The following KIF26B variants were observed in gnomAD, a reference collection of about 807,000 sequenced individuals.
KIF26B encodes kinesin-like protein KIF26B.
KIF26B carries 63 observed loss-of-function variants against 151.2 expected under a neutral mutation model. The observed-to-expected ratio is 0.42, with a 90% CI of 0.34 to 0.51. The LOEUF (loss-of-function observed/expected upper bound fraction) is 0.51, where lower values mean the gene tolerates loss of function less well. Ranked by LOEUF, KIF26B falls within the 20% of genes least tolerant of loss-of-function variation. The probability of loss-of-function intolerance (pLI) is 0.07; values close to 1 mark genes in which losing one functional copy is unlikely to be tolerated. For missense variants in KIF26B, 2,813 were observed against 2,913.6 expected, an observed-to-expected ratio of 0.97 and a Z score of 0.79; for synonymous variants, 1,357 against 1,262.1, an observed-to-expected ratio of 1.08 and a Z score of -1.59.
intron 4 of KIF26B, among the ~76,000 whole-genome samples, chr1:245,539,846 T>C (rs1379145901): frequency 2.0e-5 from 3 of 152,018 alleles, no homozygotes; most frequent in Admixed American, 2.0e-4. Context: ...AGAGATGGGG[T>C]TTCTCCATGT....
intron 5 of KIF26B, among the ~76,000 whole-genome samples, chr1:245,599,057 G>A (rs1629185): frequency 0.051 from 7,772 of 152,158 alleles, 622 homozygotes; most frequent in African/African-American, 0.17. Flanking sequence ...AGAGCAGCAG[G>A]GAGAGGCGGG....
chr1:245,283,563 A>G (rs1671104051), intron 2 of KIF26B, among the ~76,000 whole-genome samples: 1 of 152,148 alleles, frequency 6.6e-6, no homozygotes, highest in Non-Finnish European at 1.5e-5. Flanking sequence ...GTACCTGTGC[A>G]GCCTCTCTTT....
chr1:245,199,939 G>C (rs1669268601), intron 2 of KIF26B, among the ~76,000 whole-genome samples: 1 of 152,154 alleles, frequency 6.6e-6, no homozygotes, highest in South Asian at 2.1e-4. Context: ...TATTTTTGAT[G>C]GTCAGCCAAA....
Position 245,284,004 on chromosome 1 carries a change from C to T in KIF26B, c.466-82830C>T, listed in dbSNP as rs534028200. On this transcript the variant is annotated intron_variant, in intron 2 of 14. Coordinates refer to ENST00000407071, the MANE Select transcript of KIF26B (RefSeq NM_018012.4). The stretch of plus-strand genomic sequence containing the variant: ...CACCGCAGCTTGAGAATATGAGCAG[C>T]ACTTTTGAAGTCCCTACGCAATGCG... Among the ~76,000 whole-genome samples the T allele has an allele frequency of 1.2e-4, 18 of 152,288 alleles. No individual in the cohort carries two copies. The East Asian group carries it at 3.5e-3, about 29-fold the overall frequency.
chr1:245,510,258 G>A lies in KIF26B; in HGVS notation c.1167-30509G>A, dbSNP rs143086321. On this transcript the variant is annotated intron_variant, in intron 4 of 14. Transcript: ENST00000407071. The stretch of plus-strand genomic sequence containing the variant: ...GAGAGCATTGGAATAGTTTTAAGGC[G>A]TGCAAACTGTGAGACTAGACAATTT... Among the ~76,000 whole-genome samples the A allele has an allele frequency of 2.0e-3, 310 of 152,264 alleles. 2 individuals carry two copies. The highest frequency in any genetic ancestry group is 6.9e-3 in the African/African-American group (285 of 41,554).
chr1:245,187,268 A>G (rs541777831), intron 2 of KIF26B, among the ~76,000 whole-genome samples: 1 of 152,370 alleles, frequency 6.6e-6, no homozygotes, highest in African/African-American at 2.4e-5. Context: ...AAAAAGACAA[A>G]TACTGCGTGT....
chr1:245,562,565 C>T (rs372060240), intron 5 of KIF26B, among the ~76,000 whole-genome samples: 1 of 151,870 alleles, frequency 6.6e-6, no homozygotes, highest in South Asian at 2.1e-4. Context: ...CTGAATCTAC[C>T]TGTCCGCACG....
At chr1:245,357,836 A>G (rs1312107640) in intron 2 of KIF26B, among the ~76,000 whole-genome samples, 1 of 152,152 alleles carries the variant, frequency 6.6e-6, no homozygotes, top group Non-Finnish European at 1.5e-5. Flanking sequence ...GGGGCCCAAA[A>G]CACTGGGTCA....
rs555260513 is a variant in KIF26B at position 245,570,557 on chromosome 1, C to T, written c.1350+29607C>T. Among the ~76,000 whole-genome samples, 5 of 152,308 alleles carry T rather than the reference C, an allele frequency of 3.3e-5. No individual in the cohort carries two copies. The East Asian group carries it at 9.6e-4, about 29-fold the overall frequency. On this transcript the variant is annotated intron_variant, in intron 5 of 14. Transcript: ENST00000407071. ...GGGAATATGAATTCATGTCTGTTCC[C>T]TTCGTTTGGCACCCCCATGGGTTGT... is the stretch of plus-strand genomic sequence containing the variant.
chr1:245,478,549 T>A lies in KIF26B; in HGVS notation c.1166+58804T>A, dbSNP rs2363900. Among the ~76,000 whole-genome samples, 4 of 149,844 alleles carry A rather than the reference T, an allele frequency of 2.7e-5. No homozygotes were observed. In the South Asian group the frequency reaches 6.5e-4, roughly 24 times the overall value. The stretch of plus-strand genomic sequence containing the variant: ...TTCACGCCATTCTCCTGCCTCAGCC[T>A]CCCGAGTAGCTGGGACTACACCACG... On this transcript the variant is annotated intron_variant, in intron 4 of 14. Coordinates refer to ENST00000407071, the MANE Select transcript of KIF26B (RefSeq NM_018012.4).
intron 2 of KIF26B, among the ~76,000 whole-genome samples, chr1:245,365,066 C>T (rs961989776): frequency 6.6e-6 from 1 of 152,148 alleles, no homozygotes; most frequent in Admixed American, 6.5e-5. Flanking sequence ...AGGCATAGTC[C>T]ACGCTTTTAA....
chr1:245,471,963 T>C (rs1659925183), intron 4 of KIF26B, among the ~76,000 whole-genome samples: 1 of 152,194 alleles, frequency 6.6e-6, no homozygotes, highest in African/African-American at 2.4e-5. Context: ...AGCTAGTTTT[T>C]GTATTTTTAG....
intron 4 of KIF26B, among the ~76,000 whole-genome samples, chr1:245,486,006 A>G (rs563961599): frequency 6.6e-6 from 1 of 152,324 alleles, no homozygotes; most frequent in East Asian, 1.9e-4. Flanking sequence ...ATATACTGGC[A>G]TTTACTTAAG....
At chr1:245,303,668 T>G (rs1404591046) in intron 2 of KIF26B, among the ~76,000 whole-genome samples, 1 of 152,234 alleles carries the variant, frequency 6.6e-6, no homozygotes, top group African/African-American at 2.4e-5. Flanking sequence ...GTTTCTTATA[T>G]TAACTAAAGG....
intron 4 of KIF26B, among the ~76,000 whole-genome samples, chr1:245,522,627 G>A (rs1038083425): frequency 3.9e-5 from 6 of 152,184 alleles, no homozygotes; most frequent in African/African-American, 1.4e-4. Flanking sequence ...CTGATTTAAG[G>A]CTGTGGAAGA....
intron 2 of KIF26B, among the ~76,000 whole-genome samples, chr1:245,342,560 T>G (rs545125635): frequency 1.2e-4 from 19 of 152,296 alleles, no homozygotes; most frequent in African/African-American, 4.3e-4. Context: ...TTTTTGTTTT[T>G]GTTTTTGTTT....
chr1:245,580,065 C>T (rs1034741869), intron 5 of KIF26B, among the ~76,000 whole-genome samples: 7 of 152,214 alleles, frequency 4.6e-5, no homozygotes, highest in South Asian at 2.1e-4. Context: ...CCAGCTGTAC[C>T]GTGCCGATAA....
chr1:245,618,904 T>A (rs2043625035), intron 9 of KIF26B, among the ~76,000 whole-genome samples: 1 of 134,480 alleles, frequency 7.4e-6, no homozygotes, highest in African/African-American at 2.9e-5. Context: ...GTGCTGTTGG[T>A]GAGCTTGTCC....
At chr1:245,347,577 C>G (rs1200811179) in intron 2 of KIF26B, among the ~76,000 whole-genome samples, 1 of 152,222 alleles carries the variant, frequency 6.6e-6, no homozygotes, top group South Asian at 2.1e-4. Context: ...CTGTCTCCCC[C>G]TAAACGGATA....
Sources: gnomAD v4.1 joint callset for allele counts (sites outside exome capture counted in the v4.1 genomes callset) on GRCh38, gnomAD v4.1.1 for gene constraint, MANE v1.5 for transcripts, NCBI Gene and HGNC (gene_info 2026-07-23, HGNC 2026-07-21) for gene names.